KIAA0586: variants seen among roughly 807,000 people sequenced by gnomAD.
KIAA0586 encodes protein TALPID3.
A neutral mutation model predicts 169.8 loss-of-function variants in KIAA0586; 144 were observed. The ratio of observed to expected loss-of-function variants is 0.85; its 90% CI spans 0.74 to 0.97. The LOEUF (loss-of-function observed/expected upper bound fraction) is 0.97. Ranked by LOEUF, KIAA0586 falls within the 50% of genes least tolerant of loss-of-function variation. The probability of loss-of-function intolerance (pLI) is 0.00; values close to 1 mark genes in which losing one functional copy is unlikely to be tolerated. For missense variants in KIAA0586, 1,854 were observed against 1,823.0 expected (o/e 1.02, Z -0.31); for synonymous variants, 625 against 612.4 (o/e 1.02, Z -0.30).
At position 58,504,414 on chromosome 14, in the gene KIAA0586, G is replaced by A. The variant is rs546340677; in HGVS notation, c.4169-4141G>A. 3.3e-5 allele frequency among the ~76,000 whole-genome samples: 5 copies of A among 152,212 alleles called. No homozygotes were observed. The South Asian group carries it at 1.0e-3, about 32-fold the overall frequency. Reference sequence around the variant, plus strand: ...TGAGAGAGAGCGAATATGGAGGAAGGACAGAATTAGGAGGAAAGAGATTGA... The same window carrying A: ...TGAGAGAGAGCGAATATGGAGGAAGAACAGAATTAGGAGGAAAGAGATTGA... On this transcript the variant is annotated intron_variant, in intron 27 of 30. Transcript: ENST00000652326.
At chr14:58,516,432 C>G (rs574090291) in intron 29 of KIAA0586, among the ~76,000 whole-genome samples, 1 of 152,148 alleles carries the variant, frequency 6.6e-6, no homozygotes, top group African/African-American at 2.4e-5. Context: ...CCACTCCTGG[C>G]GGAGAAGAAG....
rs559413296 is a variant in KIAA0586, at chr14:58,550,119, C to T, written c.*2187C>T. The T allele has an allele frequency of 5.1e-4, 77 of 152,420 alleles. No individual in the cohort carries two copies. Among genetic ancestry groups the T allele is most frequent in the African/African-American group, 1.7e-3 (71 of 41,572 alleles). 9.4% of individuals were successfully genotyped at this position (152,420 alleles called of 1,614,324 possible). On this transcript the variant is annotated 3_prime_UTR_variant, in exon 31 of 31. Coordinates refer to ENST00000652326, the MANE Select transcript of KIAA0586 (RefSeq NM_001329943.3). ...TTTCAAGCGATTCTCCTGCCTTAGC[C>T]TCCTTAGTAGCTGGGATTACAGGCG...
chr14:58,493,694 C>T (rs1207821061), intron 26 of KIAA0586, among the ~76,000 whole-genome samples: 1 of 152,152 alleles, frequency 6.6e-6, no homozygotes, highest in African/African-American at 2.4e-5. Context: ...AAATTTTCTG[C>T]AACTTTAGTT....
chr14:58,557,971 G>A, the KIAA0586 span, among the ~76,000 whole-genome samples: 1 of 126,562 alleles, frequency 7.9e-6, no homozygotes, highest in Non-Finnish European at 1.6e-5. Context: ...GTGCAGTGGT[G>A]TGATCTTGGC....
intron 4 of KIAA0586, among the ~76,000 whole-genome samples, chr14:58,438,890 A>G (rs1394000770): frequency 5.9e-5 from 9 of 152,198 alleles, no homozygotes; most frequent in Admixed American, 5.9e-4. Flanking sequence ...TGGAAAGCCA[A>G]ACAGAGGAAA....
At chr14:58,476,253 C>A (rs185798974) in intron 19 of KIAA0586, among the ~76,000 whole-genome samples, 1 of 152,184 alleles carries the variant, frequency 6.6e-6, no homozygotes, top group Admixed American at 6.5e-5. Context: ...ACAATGAACA[C>A]CTATTATTTA....
chr14:58,428,409 G>A lies in KIAA0586; in HGVS notation c.145G>A (p.Ala49Thr). 2.5e-6 allele frequency: 4 copies of A among 1,613,972 alleles called. No individual in the cohort carries two copies. The highest frequency in any genetic ancestry group is 3.4e-6 in the Non-Finnish European group (4 of 1,179,866). Residue 49 changes from alanine to threonine, a missense_variant, in exon 1 of 31, where the codon GCA (alanine) becomes ACA (threonine). By Grantham distance (58) the Ala-to-Thr change is moderately conservative. Transcript: ENST00000652326. ...ELPCVPPALS[A>T]NKRLPVGTGT... ...GCCCTGTGTTCCTCCGGCATTGTCT[G>A]CAAATAAACGTCTTCCTGTTGGAAC...
At chr14:58,495,774 T>G (rs1201508443) in intron 26 of KIAA0586, among the ~76,000 whole-genome samples, 1 of 152,156 alleles carries the variant, frequency 6.6e-6, no homozygotes, top group African/African-American at 2.4e-5. Flanking sequence ...TTTAGATTGG[T>G]TCCAAGTATT....
intron 15 of KIAA0586, among the ~76,000 whole-genome samples, chr14:58,467,194 A>T (rs1245764209): frequency 1.3e-5 from 2 of 152,238 alleles, no homozygotes; most frequent in Admixed American, 6.5e-5. Context: ...TGCCCGGTAC[A>T]GTTCTGAGCA....
chr14:58,524,332 T>C (rs1566939285), intron 29 of KIAA0586, among the ~76,000 whole-genome samples: 1 of 152,194 alleles, frequency 6.6e-6, no homozygotes, highest in Admixed American at 6.5e-5. Flanking sequence ...ATTATGCATA[T>C]AGGATGAACC....
chr14:58,443,895 T>A, intron 5 of KIAA0586, 59 bp from the exon 6 acceptor site: 1 of 969,708 alleles, frequency 1.0e-6, no homozygotes, highest in South Asian at 1.5e-5. Flanking sequence ...TTTCTAGTAA[T>A]TAGACATATT....
chr14:58,443,807 A>C, intron 5 of KIAA0586, 147 bp from the exon 6 acceptor site: 1 of 606,402 alleles, frequency 1.6e-6, no homozygotes, highest in East Asian at 2.8e-5. Context: ...CTAAAAATAA[A>C]GGCATTAAAT....
chr14:58,488,688 G>A lies in KIAA0586; in HGVS notation c.3595G>A (p.Glu1199Lys). Residue 1199 changes from glutamate to lysine, a missense_variant, in exon 24 of 31, where the codon GAG (glutamate) becomes AAG (lysine). Transcript: ENST00000652326. ...TTTCCCTGCTCAGCCTCCACCTCCA[G>A]AGCCAGTTCCCTTTATGCCATTTCC... ...MDFPAQPPPP[E>K]PVPFMPFPAG... 6.2e-7 allele frequency: 1 copy of A among 1,613,878 alleles called. No individual in the cohort carries two copies. The highest frequency in any genetic ancestry group is 8.5e-7 in the Non-Finnish European group (1 of 1,179,846).
chr14:58,516,075 A>G (rs761805003), intron 29 of KIAA0586, among the ~76,000 whole-genome samples: 10 of 152,180 alleles, frequency 6.6e-5, no homozygotes, highest in Non-Finnish European at 1.2e-4. Flanking sequence ...GCACCAATCA[A>G]GCAGATAAGA....
At chr14:58,481,115 A>AACTCAAG (rs1303913221) in intron 20 of KIAA0586, among the ~76,000 whole-genome samples, 6 of 152,236 alleles carry the variant, frequency 3.9e-5, no homozygotes, top group Non-Finnish European at 7.3e-5. Flanking sequence ...CTGCTATGGT[A>AACTCAAG]ACTCAAGAGC....
intron 29 of KIAA0586, among the ~76,000 whole-genome samples, chr14:58,534,710 T>G (rs562897247): frequency 6.6e-6 from 1 of 152,334 alleles, no homozygotes; most frequent in South Asian, 2.1e-4. Context: ...GTACGGCCTA[T>G]GACTTAGTGT....
At chr14:58,520,423 A>T (rs1188007969) in intron 29 of KIAA0586, among the ~76,000 whole-genome samples, 1 of 152,156 alleles carries the variant, frequency 6.6e-6, no homozygotes, top group East Asian at 1.9e-4. Flanking sequence ...TATTCTGGAC[A>T]TTTCATATAA....
chr14:58,459,875 A>G lies in KIAA0586; in HGVS notation c.1689A>G (p.Lys563=). Residue 563 remains lysine (K), a synonymous_variant, in exon 13 of 31, where the codon AAA becomes AAG. Coordinates refer to ENST00000652326, the MANE Select transcript of KIAA0586 (RefSeq NM_001329943.3). ...TGTCAAGAACAGATTATGAACAAAA[A>G]AGATTTGATCAGAAGAATCAGAGAA... is the stretch of plus-strand genomic sequence containing the variant. ...DELSRTDYEQ[K]RFDQKNQRTK... 1 of 1,531,438 alleles carries G rather than the reference A, an allele frequency of 6.5e-7. No homozygotes were observed. Among genetic ancestry groups the G allele is most frequent in the Non-Finnish European group, 8.7e-7 (1 of 1,144,910 alleles). The allele number at this position is 1,531,438 out of a possible 1,614,324, so 94.9% of individuals were successfully genotyped here.
chr14:58,461,286 G>A, intron 14 of KIAA0586, 126 bp downstream of exon 14: 3 of 570,800 alleles, frequency 5.3e-6, no homozygotes, highest in South Asian at 4.6e-5. Context: ...GCTTGGGGAT[G>A]GAAAAATAAT....
Sources: gnomAD v4.1 joint callset for allele counts (sites outside exome capture counted in the v4.1 genomes callset) on GRCh38, gnomAD v4.1.1 for gene constraint, MANE v1.5 for transcripts, NCBI Gene and HGNC (gene_info 2026-07-23, HGNC 2026-07-21) for gene names.